The following PFAS variants were observed in gnomAD, a reference collection of about 807,000 sequenced individuals.
The protein encoded by PFAS is FGAM synthase.
A neutral mutation model predicts 140.6 loss-of-function variants in PFAS; 97 were observed. The ratio of observed to expected loss-of-function variants is 0.69; its 90% confidence interval spans 0.59 to 0.82. PFAS has a LOEUF of 0.82. Ranked by LOEUF, PFAS falls within the 40% of genes least tolerant of loss-of-function variation. The probability of loss-of-function intolerance (pLI) is 0.00; values close to 1 mark genes in which losing one functional copy is unlikely to be tolerated. For missense variants in PFAS, 1,656 were observed against 1,780.2 expected, an observed-to-expected ratio of 0.93 and a Z score of 1.26; for synonymous variants, 679 against 718.8, an observed-to-expected ratio of 0.94 and a Z score of 0.88.
At position 8,253,879 on chromosome 17, in the gene PFAS, G is replaced by A; in HGVS notation, c.-59G>A. On this transcript the variant is annotated 5_prime_UTR_variant, in exon 2 of 28. Transcript: ENST00000314666. ...TTTAGGAACCTAATTCATCTCTCCA[G>A]CAAAGGACACATCTCTCCAGCAAAG... is the stretch of plus-strand genomic sequence containing the variant. 6.4e-7 allele frequency: 1 copy of A among 1,557,296 alleles called. No homozygotes were observed. Among genetic ancestry groups the A allele is most frequent in the Non-Finnish European group, 8.7e-7 (1 of 1,149,772 alleles).
chr17:8,249,343 A>T lies in PFAS; in HGVS notation c.-80+4A>T, dbSNP rs1989035163. On this transcript the variant is annotated splice_donor_region_variant and intron_variant, in intron 1 of 27. Coordinates refer to ENST00000314666, the MANE Select transcript of PFAS (RefSeq NM_012393.3). ...TGGCCGCGAGTGCATCTTCCACGTG[A>T]GTATAGTTACCGCGTGCGGACCTGG... The T allele has an allele frequency of 6.6e-6, 1 of 152,124 alleles. No individual in the cohort carries two copies. Among genetic ancestry groups the T allele is most frequent in the Non-Finnish European group, 1.5e-5 (1 of 68,032 alleles). The allele number at this position is 152,124 out of a possible 1,614,324, so 9.4% of individuals were successfully genotyped here. A position where few individuals can be genotyped will look rare whatever the true frequency, so the allele number is the denominator to read the frequency against.
intron 1 of PFAS, among the ~76,000 whole-genome samples, chr17:8,252,456 T>C (rs1989193244): frequency 6.6e-6 from 1 of 151,636 alleles, no homozygotes; most frequent in East Asian, 1.9e-4. Context: ...CAGGCTGGAG[T>C]GCAATGGCTC....
Position 8,267,201 on chromosome 17 carries a change from C to A in PFAS, c.3141C>A (p.Pro1047=), listed in dbSNP as rs199987350. Residue 1047 remains proline, a synonymous_variant, in exon 24 of 28, where the codon CCC becomes CCA. Transcript: ENST00000314666. This position sits in a 1 kb window ranked among gnomAD's most constrained non-coding sequence, Gnocchi z 4.9. ...ERMGPSYCLP[P]TFPKASVPRE... ...TGGGGCCCAGCTATTGCCTGCCCCC[C>A]ACCTTTCCCAAAGCCTCCGTGCCCC... 4.0e-5 allele frequency: 64 copies of A among 1,606,774 alleles called. 1 individual carries two copies. Among genetic ancestry groups the A allele is most frequent in the South Asian group, 7.7e-5 (7 of 90,520 alleles).
chr17:8,254,952 A>G lies in PFAS; in HGVS notation c.279-75A>G, dbSNP rs537602549. ...AGCGGTGGGAGGTTGTCCAGACAGC[A>G]GTAGGCAGGATCCACCCTCCCAGCT... On this transcript the variant is annotated intron_variant, in intron 3 of 27. Coordinates refer to ENST00000314666, the MANE Select transcript of PFAS (RefSeq NM_012393.3). 34 of 985,852 alleles carry G rather than the reference A, an allele frequency of 3.4e-5. No individual in the cohort carries two copies. The African/African-American group carries it at 4.3e-4, about 12-fold the overall frequency. 61.1% of individuals were successfully genotyped at this position (985,852 alleles called of 1,614,324 possible). A position where few individuals can be genotyped will look rare whatever the true frequency, so the allele number is the denominator to read the frequency against.
At chr17:8,247,772 C>G (rs902540736), upstream of PFAS, 6 of 571,526 alleles carry the variant, frequency 1.0e-5, no homozygotes, top group African/African-American at 1.1e-4. Flanking sequence ...AGGATTAAAC[C>G]CTAGAGAGTG....
In PFAS at chr17:8,262,970, G is replaced by A; in HGVS notation, c.1387G>A (p.Gly463Ser). Residue 463 changes from glycine (G) to serine (S), a missense_variant, in exon 12 of 28, where the codon GGT becomes AGT. By Grantham distance (56) the Gly-to-Ser change is moderately conservative. Coordinates refer to ENST00000314666, the MANE Select transcript of PFAS (RefSeq NM_012393.3). Reference protein sequence around the residue: ...GGPVYRIGVGGGAASSVQVQG... With the variant: ...GGPVYRIGVGSGAASSVQVQG... ...TCCCGTCTACAGGATTGGAGTTGGA[G>A]GTGGAGCTGCTTCATCTGTGCAGGT... is the stretch of plus-strand genomic sequence containing the variant. 2 of 1,614,046 alleles carry A rather than the reference G, an allele frequency of 1.2e-6. No individual in the cohort carries two copies.
At chr17:8,247,844 G>T, upstream of PFAS, 1 of 677,856 alleles carries the variant, frequency 1.5e-6, no homozygotes, top group Non-Finnish European at 2.6e-6. Context: ...AACATTCGCA[G>T]AACCAGTAAG....
intron 9 of PFAS, among the ~76,000 whole-genome samples, chr17:8,257,596 A>T (rs1405309132): frequency 6.6e-6 from 1 of 151,634 alleles, no homozygotes; most frequent in Admixed American, 6.6e-5. Context: ...TGATTGCGAG[A>T]TTCAGAGGGA....
Position 8,255,576 on chromosome 17 carries a change from C to T in PFAS, c.459C>T (p.His153=), listed in dbSNP as rs1989327057. 6.4e-7 allele frequency: 1 copy of T among 1,555,322 alleles called. No homozygotes were observed. Among genetic ancestry groups the T allele is most frequent in the African/African-American group, 1.4e-5 (1 of 72,720 alleles). ...TGCACGACCGGATGACAGAGCAGCA[C>T]TTCCCCCATCCCATCCAGAGTTTCT... ...ATLHDRMTEQ[H]FPHPIQSFSP... Residue 153 remains histidine, a synonymous_variant, in exon 5 of 28, where the codon CAC becomes CAT. Transcript: ENST00000314666.
At chr17:8,258,287 G>A (rs1410243288) in intron 11 of PFAS, 88 bp downstream of exon 11, 3 of 1,428,696 alleles carry the variant, frequency 2.1e-6, no homozygotes, top group Non-Finnish European at 2.9e-6. Context: ...GAACACTTCA[G>A]TGGTTAGTTT....
chr17:8,254,429 C>T, intron 3 of PFAS, 128 bp downstream of exon 3: 1 of 1,062,214 alleles, frequency 9.4e-7, no homozygotes, highest in African/African-American at 1.6e-5. Flanking sequence ...GTGCTTTCCC[C>T]ATTTGGGTAG....
intron 1 of PFAS, among the ~76,000 whole-genome samples, chr17:8,252,532 T>A (rs1194935802): frequency 6.6e-6 from 1 of 151,302 alleles, no homozygotes; most frequent in African/African-American, 2.4e-5. Context: ...GCCTCTCAAT[T>A]AGCTGTGATT....
upstream of PFAS, chr17:8,247,862 A>G: frequency 1.3e-6 from 1 of 764,728 alleles, no homozygotes; most frequent in South Asian, 1.6e-5. Context: ...AAGAGGTAGG[A>G]GCGGACCGAC....
rs1481469391 is a variant in PFAS at position 8,256,983 on chromosome 17, T to C, written c.1075+20T>C. The C allele has an allele frequency of 2.5e-6, 4 of 1,613,728 alleles. No individual in the cohort carries two copies. The highest frequency in any genetic ancestry group is 3.4e-6 in the Non-Finnish European group (4 of 1,179,656). On this transcript the variant is annotated intron_variant, in intron 9 of 27. Transcript: ENST00000314666. ...TTCCAGGTTCCATCTCCTTCCTCTC[T>C]ATCCACCTTCCCTTCCAGATTCCTT...
chr17:8,250,810 C>G (rs1989119589), intron 1 of PFAS, among the ~76,000 whole-genome samples: 1 of 152,034 alleles, frequency 6.6e-6, no homozygotes, highest in African/African-American at 2.4e-5. Context: ...AAATCCATCT[C>G]CCAGAGTACT....
chr17:8,264,426 C>T (rs767830495), intron 16 of PFAS, 44 bp from the exon 17 acceptor site: 5 of 1,612,148 alleles, frequency 3.1e-6, no homozygotes, highest in South Asian at 1.1e-5. Flanking sequence ...GTGTGCCCAG[C>T]CCGCCCCAGG....
chr17:8,247,868 C>A, upstream of PFAS: 2 of 815,296 alleles, frequency 2.5e-6, no homozygotes, highest in Admixed American at 2.2e-5. Context: ...TAGGAGCGGA[C>A]CGACTCACAA....
Position 8,267,199 on chromosome 17 carries a change from C to G in PFAS, c.3139C>G (p.Pro1047Ala). 1 of 1,606,338 alleles carries G rather than the reference C, an allele frequency of 6.2e-7. No homozygotes were observed. The highest frequency in any genetic ancestry group is 8.5e-7 in the Non-Finnish European group (1 of 1,177,106). Residue 1047 changes from proline (P) to alanine (A), a missense_variant, in exon 24 of 28, where the codon CCC becomes GCC. By Grantham distance (27) the Pro-to-Ala change is conservative. Transcript: ENST00000314666. The surrounding 1 kb of genome is among the most constrained non-coding windows in gnomAD (Gnocchi z 4.9). ...ERMGPSYCLP[P>A]TFPKASVPRE... ...GATGGGGCCCAGCTATTGCCTGCCC[C>G]CCACCTTTCCCAAAGCCTCCGTGCC...
At chr17:8,258,315 C>A in intron 11 of PFAS, 116 bp downstream of exon 11, 1 of 1,121,446 alleles carries the variant, frequency 8.9e-7, no homozygotes, top group African/African-American at 1.6e-5. Context: ...GTTGGCTTAT[C>A]TTATGTGTCA....
Sources: gnomAD v4.1 joint callset for allele counts (sites outside exome capture counted in the v4.1 genomes callset) on GRCh38, gnomAD v4.1.1 for gene constraint, Gnocchi (gnomAD v3.1) non-coding constraint, MANE v1.5 for transcripts, NCBI Gene and HGNC (gene_info 2026-07-23, HGNC 2026-07-21) for gene names.